TCHP: variants seen among roughly 807,000 people sequenced by gnomAD.
TCHP encodes the protein trichoplein keratin filament-binding protein.
A neutral mutation model predicts 88.7 loss-of-function variants in TCHP; 81 were observed. That is an observed-to-expected ratio of 0.91 (90% CI 0.76 to 1.10). The LOEUF (loss-of-function observed/expected upper bound fraction) is 1.10. Ranked by LOEUF, TCHP falls within the 50% of genes least tolerant of loss-of-function variation. The probability of loss-of-function intolerance (pLI) is 0.00; values close to 1 mark genes in which losing one functional copy is unlikely to be tolerated. For missense variants in TCHP, 641 were observed against 632.1 expected (o/e 1.01, Z -0.15); for synonymous variants, 232 against 232.5 (o/e 1.00, Z 0.02).
chr12:109,906,509 A>G (rs1870131514), intron 4 of TCHP, 63 bp from the exon 5 acceptor site: 2 of 1,526,356 alleles, frequency 1.3e-6, no homozygotes, highest in Non-Finnish European at 1.8e-6. Flanking sequence ...GCAGGAGCAC[A>G]CTGTCCCCAC....
chr12:109,907,808 T>A (rs1377712671), intron 6 of TCHP, 109 bp downstream of exon 6: 7 of 1,272,706 alleles, frequency 5.5e-6, no homozygotes, highest in Non-Finnish European at 7.5e-6. Flanking sequence ...GCTGAGATTC[T>A]GCAAAGGGCG....
At chr12:109,914,198 TA>T (rs1220072267) in intron 10 of TCHP, 2 of 317,668 alleles carry the variant, frequency 6.3e-6, no homozygotes, top group Non-Finnish European at 5.9e-6. Context: ...TGTCTCTCCA[TA>T]GTACACAGTC....
chr12:109,911,314 T>TA, intron 9 of TCHP, 79 bp downstream of exon 9: 2 of 736,898 alleles, frequency 2.7e-6, no homozygotes, highest in Non-Finnish European at 4.3e-6. Flanking sequence ...GGTCACCTGT[T>TA]ACTGAAATAT....
Position 109,907,818 on chromosome 12 carries a change from G to A in TCHP, c.699+119G>A, listed in dbSNP as rs573420735. Reference sequence around the variant, plus strand: ...GCAGGGCTGAGATTCTGCAAAGGGCGGCAGCAGCCGGGTTCTCCCTCTCAC... The same window carrying A: ...GCAGGGCTGAGATTCTGCAAAGGGCAGCAGCAGCCGGGTTCTCCCTCTCAC... On this transcript the variant is annotated intron_variant, in intron 6 of 12. Transcript: ENST00000405876. 1.7e-4 allele frequency: 192 copies of A among 1,146,884 alleles called. 1 individual carries two copies. In the African/African-American group the frequency reaches 2.1e-3, roughly 12 times the overall value. 71.0% of individuals were successfully genotyped at this position (1,146,884 alleles called of 1,614,324 possible). A position where few individuals can be genotyped will look rare whatever the true frequency, so the allele number is the denominator to read the frequency against.
the TCHP span, among the ~76,000 whole-genome samples, chr12:109,885,857 G>A: frequency 2.6e-5 from 4 of 151,546 alleles, no homozygotes; most frequent in Admixed American, 6.6e-5. Flanking sequence ...AGCTCACTGC[G>A]GCCTTGAACT....
the TCHP span, among the ~76,000 whole-genome samples, chr12:109,894,275 G>A: frequency 6.0e-5 from 9 of 150,176 alleles, no homozygotes; most frequent in Non-Finnish European, 7.4e-5. Context: ...TGGTTAACAC[G>A]GTGAAACCCT....
intron 8 of TCHP, among the ~76,000 whole-genome samples, chr12:109,910,648 T>A (rs1015493877): frequency 6.6e-6 from 1 of 152,212 alleles, no homozygotes; most frequent in African/African-American, 2.4e-5. Flanking sequence ...AGTAGCTAAT[T>A]CCCCACCAAG....
the TCHP span, among the ~76,000 whole-genome samples, chr12:109,881,662 T>C: frequency 6.6e-6 from 1 of 152,224 alleles, no homozygotes; most frequent in Non-Finnish European, 1.5e-5. Context: ...GGACACCTTC[T>C]ACTGGTAACA....
upstream of TCHP, among the ~76,000 whole-genome samples, chr12:109,899,220 A>C (rs1245380698): frequency 2.6e-5 from 4 of 152,350 alleles, no homozygotes; most frequent in African/African-American, 9.6e-5. Context: ...AAAAGAGAAC[A>C]AACAAGTATT....
Position 109,917,336 on chromosome 12 carries a change from GGT to G in TCHP, c.*717_*718del, listed in dbSNP as rs1444734837. 1 of 152,132 alleles carries G rather than the reference GGT, an allele frequency of 6.6e-6. No individual in the cohort carries two copies. Among genetic ancestry groups the G allele is most frequent in the Admixed American group, 6.6e-5 (1 of 15,264 alleles). The allele number at this position is 152,132 out of a possible 1,614,324, so 9.4% of individuals were successfully genotyped here. A position where few individuals can be genotyped will look rare whatever the true frequency, so the allele number is the denominator to read the frequency against. ...AAGCCCCAAAACGAACTTCAAACTG[GGT>G]GTGGTGGCACGTGCCTTTAGTCCCA... On this transcript the variant is annotated 3_prime_UTR_variant, in exon 13 of 13. Transcript: ENST00000405876.
At chr12:109,906,550 A>T (rs781124842) in intron 4 of TCHP, 22 bp from the exon 5 acceptor site, 1 of 1,612,196 alleles carries the variant, frequency 6.2e-7, no homozygotes, top group African/African-American at 1.3e-5. Context: ...GGAAATTCAC[A>T]TCGTCCCCCT....
At position 109,906,612 on chromosome 12, in the gene TCHP, G is replaced by T; in HGVS notation, c.497G>T (p.Trp166Leu). The T allele has an allele frequency of 6.2e-7, 1 of 1,611,366 alleles. No individual in the cohort carries two copies. Residue 166 changes from tryptophan (W) to leucine (L), a missense_variant, in exon 5 of 13, where the codon TGG (tryptophan) becomes TTG (leucine). Coordinates refer to ENST00000405876, the MANE Select transcript of TCHP (RefSeq NM_001143852.2). ...CACCAGAAGCATGTCGTAAACTCTT[G>T]GGAAATGCAGAAAGAAGAAAAAAAA... is the stretch of plus-strand genomic sequence containing the variant. ...DLHQKHVVNSWEMQKEEKKQQ... is the reference protein window; with the variant it reads ...DLHQKHVVNSLEMQKEEKKQQ...
chr12:109,889,047 G>C, the TCHP span, among the ~76,000 whole-genome samples: 1 of 144,004 alleles, frequency 6.9e-6, no homozygotes, highest in South Asian at 2.2e-4. Context: ...AAAAAAAAAA[G>C]ACTGGGCATG....
At chr12:109,898,720 T>C (rs1869632992), upstream of TCHP, among the ~76,000 whole-genome samples, 1 of 152,172 alleles carries the variant, frequency 6.6e-6, no homozygotes, top group Non-Finnish European at 1.5e-5. Flanking sequence ...CTCCTTGTCC[T>C]GAGCTCAAGT....
At chr12:109,892,595 C>T in the TCHP span, among the ~76,000 whole-genome samples, 192 of 152,256 alleles carry the variant, frequency 1.3e-3, no homozygotes, top group Non-Finnish European at 1.2e-3. Context: ...GTCTGTCATC[C>T]AGGAATGGCC....
intron 10 of TCHP, 30 bp downstream of exon 10, chr12:109,913,102 C>T (rs778258319): frequency 1.2e-6 from 2 of 1,609,480 alleles, no homozygotes; most frequent in East Asian, 2.2e-5. Context: ...TGTGGACCGG[C>T]TGTTGGGTCT....
At chr12:109,889,724 C>T in the TCHP span, among the ~76,000 whole-genome samples, 3 of 152,276 alleles carry the variant, frequency 2.0e-5, no homozygotes, top group Admixed American at 1.3e-4. Context: ...AGGCAGCCCT[C>T]GATGAATGGT....
rs2136085415 is a variant in TCHP at position 109,916,757 on chromosome 12, G to A, written c.*134G>A. The A allele has an allele frequency of 2.6e-6, 2 of 767,178 alleles. No homozygotes were observed. The highest frequency in any genetic ancestry group is 2.1e-6 in the Non-Finnish European group (1 of 469,432). 47.5% of individuals were successfully genotyped at this position (767,178 alleles called of 1,614,324 possible). The stretch of plus-strand genomic sequence containing the variant: ...AGATGGCTCAGCAGTGCCTGCTCAG[G>A]TTCATCATTGAAACATCCCAGTGTT... On this transcript the variant is annotated 3_prime_UTR_variant, in exon 13 of 13. Coordinates refer to ENST00000405876, the MANE Select transcript of TCHP (RefSeq NM_001143852.2).
In TCHP at chr12:109,915,448, G is replaced by A. The variant is rs1340223011; in HGVS notation, c.1366G>A (p.Glu456Lys). 2 of 1,614,046 alleles carry A rather than the reference G, an allele frequency of 1.2e-6. No individual in the cohort carries two copies. Among genetic ancestry groups the A allele is most frequent in the Admixed American group, 3.3e-5 (2 of 60,006 alleles). The change falls in exon 12 of 13, where the codon GAG becomes AAG. Residue 456 changes from glutamate to lysine, a missense_variant. Physicochemically the swap from Glu to Lys is moderately conservative, Grantham distance 56. Transcript: ENST00000405876. Reference sequence around the variant, plus strand: ...GGCATGGGAAGCAGACCAGCAGGAGGAGGAGGAAGAGGAGGAGGCCCGGCG... The same window carrying A: ...GGCATGGGAAGCAGACCAGCAGGAGAAGGAGGAAGAGGAGGAGGCCCGGCG... ...LQAWEADQQE[E>K]EEEEEARRVE...
Sources: gnomAD v4.1 joint callset for allele counts (sites outside exome capture counted in the v4.1 genomes callset) on GRCh38, gnomAD v4.1.1 for gene constraint, MANE v1.5 for transcripts, NCBI Gene and HGNC (gene_info 2026-07-23, HGNC 2026-07-21) for gene names.